The following TOP3A variants were observed in gnomAD, a reference collection of about 807,000 sequenced individuals.
TOP3A encodes the protein DNA topoisomerase III alpha, also known as DNA topoisomerase 3-alpha.
TOP3A carries 64 observed loss-of-function variants against 111.3 expected under a neutral mutation model. The ratio of observed to expected loss-of-function variants is 0.57; its 90% CI spans 0.47 to 0.71. The LOEUF is 0.71. Ranked by LOEUF, TOP3A falls within the 30% of genes least tolerant of loss-of-function variation. The pLI is 0.00. For synonymous variants in TOP3A, 484 were observed against 485.1 expected (o/e 1.00, Z 0.03); for missense variants, 1,104 against 1,285.0 (o/e 0.86, Z 2.15).
At position 18,274,228 on chromosome 17, in the gene TOP3A, C is replaced by G. The variant is rs765815428; in HGVS notation, c.*574G>C. 9.8e-5 allele frequency: 15 copies of G among 152,444 alleles called. No homozygotes were observed. Among genetic ancestry groups the G allele is most frequent in the Non-Finnish European group, 1.5e-5 (1 of 68,212 alleles). The allele number at this position is 152,444 out of a possible 1,614,324, so 9.4% of individuals were successfully genotyped here. A position where few individuals can be genotyped will look rare whatever the true frequency, so the allele number is the denominator to read the frequency against. On this transcript the variant is annotated 3_prime_UTR_variant, in exon 19 of 19. Coordinates refer to ENST00000321105, the MANE Select transcript of TOP3A (RefSeq NM_004618.5). ...CTGGGATTACAGGCATGAGCCACTGCACCCGGCCTGGGTTCTTTATTAAAG... is the reference window on the plus strand; with the variant it reads ...CTGGGATTACAGGCATGAGCCACTGGACCCGGCCTGGGTTCTTTATTAAAG...
chr17:18,279,022 A>G (rs1428962059), intron 17 of TOP3A, among the ~76,000 whole-genome samples: 1 of 152,114 alleles, frequency 6.6e-6, no homozygotes, highest in African/African-American at 2.4e-5. Context: ...TTATTCTTCC[A>G]TGTGTATACA....
intron 13 of TOP3A, among the ~76,000 whole-genome samples, chr17:18,290,274 G>T (rs1393343291): frequency 2.6e-5 from 4 of 152,240 alleles, no homozygotes; most frequent in African/African-American, 9.6e-5. Flanking sequence ...GGTGCTCCCA[G>T]TTGGGCCCTC....
At chr17:18,280,724 C>A in intron 16 of TOP3A, 66 bp from the exon 17 acceptor site, 1 of 1,578,832 alleles carries the variant, frequency 6.3e-7, no homozygotes, top group Non-Finnish European at 8.7e-7. Flanking sequence ...TGGCCATCAG[C>A]TAAGGCAGCC....
chr17:18,284,399 T>C (rs1346839591), intron 15 of TOP3A, among the ~76,000 whole-genome samples: 1 of 152,112 alleles, frequency 6.6e-6, no homozygotes, highest in East Asian at 1.9e-4. Flanking sequence ...CTCCAGCCCC[T>C]CTGCTCTTCC....
chr17:18,309,519 T>C (rs1266571874), intron 1 of TOP3A, among the ~76,000 whole-genome samples: 1 of 151,886 alleles, frequency 6.6e-6, no homozygotes, highest in Non-Finnish European at 1.5e-5. Flanking sequence ...GGTGTGTGCC[T>C]GTAATCCCAG....
intron 18 of TOP3A, among the ~76,000 whole-genome samples, chr17:18,277,185 C>CAAAAAAAA (rs34363304): frequency 1.2e-4 from 12 of 96,470 alleles, no homozygotes; most frequent in South Asian, 7.5e-4. Context: ...ACTCAGTCTC[C>CAAAAAAAA]AAAAAAAAAA....
rs1188248201 is a variant in TOP3A, at chr17:18,290,669, C to T, written c.1485G>A (p.Glu495=). 4.4e-6 allele frequency: 7 copies of T among 1,604,972 alleles called. No individual in the cohort carries two copies. Among genetic ancestry groups the T allele is most frequent in the African/African-American group, 1.3e-5 (1 of 74,678 alleles). ...TGCTGGGCTGAAAGTGGGATCCTTG[C>T]TCATAGACAGGGAGGATCTACAGGG... The part of the protein sequence containing the change: ...HWSDKILPVY[E]QGSHFQPSTV... Residue 495 remains glutamate (E), a synonymous_variant, in exon 13 of 19, where the codon GAG becomes GAA. Transcript: ENST00000321105.
In TOP3A at chr17:18,271,615, C is replaced by G; in HGVS notation, c.*3187G>C. ...GCCTGGGTCTGTCTGATCTCAGATG[C>G]CTGGCCCAGTCCATGGTGCAGCCCA... On this transcript the variant is annotated 3_prime_UTR_variant, in exon 19 of 19. Coordinates refer to ENST00000321105, the MANE Select transcript of TOP3A (RefSeq NM_004618.5). 1 of 278,294 alleles carries G rather than the reference C, an allele frequency of 3.6e-6. No individual in the cohort carries two copies. Among genetic ancestry groups the G allele is most frequent in the Non-Finnish European group, 7.1e-6 (1 of 139,866 alleles). The allele number at this position is 278,294 out of a possible 1,614,324, so 17.2% of individuals were successfully genotyped here.
At chr17:18,285,349 C>A (rs769332335) in intron 14 of TOP3A, 42 bp from the exon 15 acceptor site, 2 of 1,613,020 alleles carry the variant, frequency 1.2e-6, no homozygotes, top group East Asian at 4.5e-5. Context: ...CCACCTGAGA[C>A]CCTCAGGGAC....
intron 9 of TOP3A, among the ~76,000 whole-genome samples, chr17:18,297,776 C>T (rs893055768): frequency 1.6e-4 from 24 of 152,070 alleles, no homozygotes; most frequent in African/African-American, 5.8e-4. Flanking sequence ...CTCGCTACAA[C>T]CTTCACCTCC....
intron 16 of TOP3A, 112 bp downstream of exon 16, chr17:18,282,586 A>C (rs1037717103): frequency 1.7e-5 from 26 of 1,491,172 alleles, no homozygotes; most frequent in Middle Eastern, 2.4e-4. Flanking sequence ...GGTTGGCAAC[A>C]ACAGGCCTGT....
chr17:18,309,000 TATAATTC>T, intron 1 of TOP3A, 59 bp from the exon 2 acceptor site: 1 of 953,468 alleles, frequency 1.0e-6, no homozygotes, highest in Non-Finnish European at 1.5e-6. Flanking sequence ...GATTCCTTTG[TATAATTC>T]TTTCTGATCC....
At chr17:18,286,043 T>C (rs1299719694) in intron 13 of TOP3A, among the ~76,000 whole-genome samples, 3 of 151,580 alleles carry the variant, frequency 2.0e-5, no homozygotes, top group Non-Finnish European at 2.9e-5. Context: ...CTATCAAAAA[T>C]ACAAAAATTA....
At position 18,282,713 on chromosome 17, in the gene TOP3A, G is replaced by A. The variant is rs185423024; in HGVS notation, c.2006C>T (p.Thr669Ile). Residue 669 changes from threonine (T) to isoleucine (I), a missense_variant, in exon 16 of 19, where the codon ACC becomes ATC. Physicochemically the swap from Thr to Ile is moderately conservative, Grantham distance 89. Coordinates refer to ENST00000321105, the MANE Select transcript of TOP3A (RefSeq NM_004618.5). ...GCGCACTCACCCGCCATTCTTCTTG[G>A]TCTTAAGGACCATGTCCTTGTTGCA... ...PQCNKDMVLK[T>I]KKNGGFYLSC... 394 of 1,613,718 alleles carry A rather than the reference G, an allele frequency of 2.4e-4. 4 individuals carry two copies. The Admixed American group carries it at 6.5e-3, about 27-fold the overall frequency.
At chr17:18,312,303 C>G (rs527802391) in intron 1 of TOP3A, 1 of 152,476 alleles carries the variant, frequency 6.6e-6, no homozygotes, top group South Asian at 2.1e-4. Context: ...ACCTACACTT[C>G]GAGCAGGGGT....
Position 18,278,140 on chromosome 17 carries a change from G to A in TOP3A, c.2362C>T (p.Gln788Ter), listed in dbSNP as rs1471428061. The A allele has an allele frequency of 6.2e-7, 1 of 1,614,234 alleles. No homozygotes were observed. ...GCCAGAGCCTTTGAGGACCCAGTCTGTCTGCTGTCAGCAGGCTGGGGGTGC... is the reference window on the plus strand; with the variant it reads ...GCCAGAGCCTTTGAGGACCCAGTCTATCTGCTGTCAGCAGGCTGGGGGTGC... ...SQHPQPADSR[Q>*]TGSSKALAQT... The change falls in exon 18 of 19, where the codon CAG (glutamine) becomes TAG (stop). Residue 788 changes from glutamine (Q) to a stop codon, truncating the protein, a stop_gained. Coordinates refer to ENST00000321105, the MANE Select transcript of TOP3A (RefSeq NM_004618.5). LOFTEE classifies it high-confidence loss of function.
chr17:18,290,471 A>G, intron 13 of TOP3A, 86 bp downstream of exon 13: 1 of 1,366,578 alleles, frequency 7.3e-7, no homozygotes, highest in Non-Finnish European at 9.7e-7. Flanking sequence ...GCATTAGAGA[A>G]TGGTTTGAAG....
rs548171281 is a variant in TOP3A, at chr17:18,314,489, C to T, written c.180+110G>A. On this transcript the variant is annotated intron_variant, in intron 1 of 18. Transcript: ENST00000321105. ...TAATCCAGACGAGGGGCAGTGAGGC[C>T]TGAGAAATGGGAGATAATCGCCTTC... 1.0e-4 allele frequency: 130 copies of T among 1,303,404 alleles called. 2 individuals are homozygous for T. In the Admixed American group the frequency reaches 2.4e-3, roughly 24 times the overall value. 80.7% of individuals were successfully genotyped at this position (1,303,404 alleles called of 1,614,324 possible).
chr17:18,290,749 C>A, intron 12 of TOP3A, 63 bp from the exon 13 acceptor site: 6 of 1,576,564 alleles, frequency 3.8e-6, no homozygotes, highest in South Asian at 1.2e-5. Flanking sequence ...CAAAAAATAA[C>A]CTCATTTCAA....
Sources: gnomAD v4.1 joint callset for allele counts (sites outside exome capture counted in the v4.1 genomes callset) on GRCh38, gnomAD v4.1.1 for gene constraint, MANE v1.5 for transcripts, NCBI Gene and HGNC (gene_info 2026-07-23, HGNC 2026-07-21) for gene names.